Variants in KAZN observed in about 807,000 individuals in gnomAD.
KAZN encodes kazrin.
In KAZN, 40 loss-of-function variants were observed where a neutral mutation model predicts 87.4. The observed-to-expected ratio is 0.46, with a 90% CI of 0.36 to 0.60. The LOEUF (loss-of-function observed/expected upper bound fraction) is 0.60. KAZN is among the 20% of genes least tolerant of loss of function. KAZN has a pLI of 0.00. For synonymous variants in KAZN, 466 were observed against 458.3 expected (o/e 1.02, Z -0.22); for missense variants, 898 against 1,073.9 (o/e 0.84, Z 2.29).
At chr1:14,388,306 G>T (rs1315638043) in intron 2 of KAZN, among the ~76,000 whole-genome samples, 1 of 152,188 alleles carries the variant, frequency 6.6e-6, no homozygotes, top group Non-Finnish European at 1.5e-5. Context: ...CTGTAGACCG[G>T]AGCTGTTTCT....
intron 1 of KAZN, among the ~76,000 whole-genome samples, chr1:14,058,533 G>C (rs1642667642): frequency 6.6e-6 from 1 of 152,172 alleles, no homozygotes; most frequent in South Asian, 2.1e-4. Context: ...CTGTGTCCTG[G>C]GCTATGTGCT....
At chr1:14,666,351 G>A (rs1639553482) in intron 1 of KAZN, among the ~76,000 whole-genome samples, 1 of 152,176 alleles carries the variant, frequency 6.6e-6, no homozygotes, top group Admixed American at 6.5e-5. Context: ...GTGTTTACAG[G>A]AATAGGACTT....
chr1:15,040,960 A>G (rs1315934840), intron 3 of KAZN, among the ~76,000 whole-genome samples: 1 of 149,178 alleles, frequency 6.7e-6, no homozygotes, highest in Non-Finnish European at 1.5e-5. Context: ...TGTTTTTTTT[A>G]TTTTTTTTGA....
chr1:14,205,884 C>CAAAAAAAAAAAAAAAAAACAAAAAAA (rs1646730386), intron 2 of KAZN, among the ~76,000 whole-genome samples: 1 of 35,220 alleles, frequency 2.8e-5, no homozygotes, highest in African/African-American at 1.4e-4. Context: ...GACACTGTCT[C>CAAAAAAAAAAAAAAAAAACAAAAAAA]AAAAAAAAAA....
chr1:14,023,297 G>A (rs1013229509), intron 1 of KAZN, among the ~76,000 whole-genome samples: 2 of 152,166 alleles, frequency 1.3e-5, no homozygotes, highest in Non-Finnish European at 2.9e-5. Context: ...GCTCCAGCCT[G>A]GGTGACACAG....
intron 1 of KAZN, among the ~76,000 whole-genome samples, chr1:13,966,023 C>T (rs1641929625): frequency 1.3e-5 from 2 of 152,210 alleles, no homozygotes; most frequent in African/African-American, 4.8e-5. Flanking sequence ...GGAGAGGGAG[C>T]AGCACAGTCC....
intron 2 of KAZN, among the ~76,000 whole-genome samples, chr1:14,506,589 G>A (rs1670595819): frequency 6.6e-6 from 1 of 152,206 alleles, no homozygotes; most frequent in Non-Finnish European, 1.5e-5. Context: ...CCAAAGTGGG[G>A]ATCATCATTA....
intron 1 of KAZN, among the ~76,000 whole-genome samples, chr1:14,685,394 C>G (rs1640895182): frequency 6.6e-6 from 1 of 152,186 alleles, no homozygotes; most frequent in Admixed American, 6.5e-5. Context: ...GGCTGAGCTC[C>G]AGCAGGAGGG....
chr1:14,702,699 A>T (rs993249082), intron 1 of KAZN, among the ~76,000 whole-genome samples: 3 of 152,286 alleles, frequency 2.0e-5, no homozygotes, highest in African/African-American at 7.2e-5. Flanking sequence ...TCTGTCTGGT[A>T]TTCTTTTTGA....
intron 1 of KAZN, among the ~76,000 whole-genome samples, chr1:14,894,671 G>A (rs988199962): frequency 3.3e-5 from 5 of 152,210 alleles, no homozygotes; most frequent in African/African-American, 9.7e-5. Flanking sequence ...TCTTGAACCC[G>A]AGAATGGCAT....
chr1:14,924,218 G>A (rs1177772764), intron 1 of KAZN: 23 of 981,656 alleles, frequency 2.3e-5, no homozygotes, highest in Non-Finnish European at 2.7e-5. Flanking sequence ...TGAGAGCCCT[G>A]GTCCGGCGCG....
chr1:14,891,885 T>G (rs1654756703), intron 1 of KAZN, among the ~76,000 whole-genome samples: 1 of 152,112 alleles, frequency 6.6e-6, no homozygotes, highest in South Asian at 2.1e-4. Flanking sequence ...GGGGGTGGGA[T>G]GGGGCAGTAA....
chr1:14,310,167 A>C (rs13375272), intron 2 of KAZN, among the ~76,000 whole-genome samples: 10,800 of 152,166 alleles, frequency 0.071, 536 homozygotes, highest in Non-Finnish European at 0.11. Context: ...TATTACAGGC[A>C]ATGTGTGAGC....
rs1005386845 is a variant in KAZN at position 13,897,902 on chromosome 1, C to T, written c.91+4146C>T. On this transcript the variant is annotated intron_variant, in intron 1 of 16. Coordinates refer to the KAZN transcript ENST00000636203. ...TAATAGTCCTGTGAGGAAGTTCATC[C>T]TCTTCTATTTCTAACCCCCCACCCA... Among the ~76,000 whole-genome samples the T allele has an allele frequency of 1.4e-4, 21 of 152,256 alleles. 1 individual carries two copies. The highest frequency in any genetic ancestry group is 1.1e-3 in the Admixed American group (17 of 15,288).
intron 1 of KAZN, among the ~76,000 whole-genome samples, chr1:14,644,117 T>C (rs1680623758): frequency 1.3e-5 from 2 of 148,294 alleles, no homozygotes; most frequent in African/African-American, 5.0e-5. Context: ...GTTCAAGCAA[T>C]TCTCCCATCT....
chr1:14,393,842 C>CAAAAAAAAAAAA (rs35205129), intron 2 of KAZN, among the ~76,000 whole-genome samples: 1 of 87,018 alleles, frequency 1.1e-5, no homozygotes, highest in African/African-American at 5.1e-5. Flanking sequence ...GACCCAATCT[C>CAAAAAAAAAAAA]AAAAAAAAAA....
chr1:13,944,218 A>G (rs1412842593), intron 1 of KAZN, among the ~76,000 whole-genome samples: 2 of 152,256 alleles, frequency 1.3e-5, no homozygotes, highest in Admixed American at 6.5e-5. Flanking sequence ...GATACGCGTT[A>G]CATCATAGAT....
At chr1:14,790,043 C>T (rs1398352267) in intron 1 of KAZN, among the ~76,000 whole-genome samples, 1 of 151,550 alleles carries the variant, frequency 6.6e-6, no homozygotes, top group Non-Finnish European at 1.5e-5. Flanking sequence ...ACTCTTGTTG[C>T]CCAGGCTGGA....
chr1:15,065,321 C>G (rs769435643), intron 7 of KAZN, among the ~76,000 whole-genome samples: 1 of 152,174 alleles, frequency 6.6e-6, no homozygotes, highest in Non-Finnish European at 1.5e-5. Context: ...AGCCACCGTG[C>G]CTGGCCTGTT....
Sources: allele counts gnomAD v4.1 joint callset (sites outside exome capture counted in the v4.1 genomes callset), GRCh38; gene constraint gnomAD v4.1.1; transcripts MANE v1.5; gene names NCBI Gene and HGNC (gene_info 2026-07-23, HGNC 2026-07-21).